SCML4: variants seen among roughly 807,000 people sequenced by gnomAD.
SCML4 encodes sex comb on midleg-like protein 4.
SCML4 carries 34 observed loss-of-function variants against 41.1 expected under a neutral mutation model. The ratio of observed to expected loss-of-function variants is 0.83; its 90% CI spans 0.63 to 1.10. The LOEUF is 1.10. SCML4 is among the 50% of genes least tolerant of loss of function. SCML4 has a pLI of 0.00. For missense variants in SCML4, 522 were observed against 534.1 expected (o/e 0.98, Z 0.22); for synonymous variants, 214 against 220.9 (o/e 0.97, Z 0.28).
At chr6:107,841,519 A>G in the SCML4 span, among the ~76,000 whole-genome samples, 1 of 152,306 alleles carries the variant, frequency 6.6e-6, no homozygotes, top group South Asian at 2.1e-4. Context: ...TGAGCTATGA[A>G]GCCAGACTGC....
intron 1 of SCML4, among the ~76,000 whole-genome samples, chr6:107,808,792 A>G (rs1181226152): frequency 1.3e-5 from 2 of 152,232 alleles, no homozygotes; most frequent in Non-Finnish European, 2.9e-5. Context: ...ATCAATATAC[A>G]TATGTTGGGG....
At chr6:107,720,624 C>T in intron 6 of SCML4, 79 bp downstream of exon 6, 1 of 1,451,704 alleles carries the variant, frequency 6.9e-7, no homozygotes, top group Non-Finnish European at 9.1e-7. Flanking sequence ...CCACACTCCC[C>T]CTTCCCCAGA....
chr6:107,839,612 A>C, the SCML4 span, among the ~76,000 whole-genome samples: 2 of 152,178 alleles, frequency 1.3e-5, no homozygotes, highest in Non-Finnish European at 2.9e-5. Flanking sequence ...AGACACATAC[A>C]CAACTGATTT....
At chr6:107,725,854 G>A (rs1002445584) in intron 5 of SCML4, among the ~76,000 whole-genome samples, 1 of 152,016 alleles carries the variant, frequency 6.6e-6, no homozygotes, top group Non-Finnish European at 1.5e-5. Flanking sequence ...GGCAGAGGTG[G>A]GTGGATCACA....
At chr6:107,761,082 G>A (rs911379527) in intron 2 of SCML4, among the ~76,000 whole-genome samples, 1 of 151,984 alleles carries the variant, frequency 6.6e-6, no homozygotes, top group Non-Finnish European at 1.5e-5. Flanking sequence ...TTAAAACTAT[G>A]GAAAAGAGGT....
intron 6 of SCML4, among the ~76,000 whole-genome samples, chr6:107,711,628 T>C (rs1770819880): frequency 6.6e-6 from 1 of 152,180 alleles, no homozygotes; most frequent in African/African-American, 2.4e-5. Flanking sequence ...ACTTGATAAA[T>C]GTGAGATGAA....
intron 5 of SCML4, among the ~76,000 whole-genome samples, chr6:107,725,222 T>C (rs1472847269): frequency 6.6e-6 from 1 of 152,222 alleles, no homozygotes; most frequent in Non-Finnish European, 1.5e-5. Flanking sequence ...AAGACAAATA[T>C]TTAAGGCGAT....
Position 107,708,395 on chromosome 6 carries a change from G to A in SCML4, c.974-384C>T, listed in dbSNP as rs184848501. ...CTGAGCCTGGGTACTTGGTGACCAGGGCAAGTGTGCTAAGATGAGTGCCCA... is the reference window on the plus strand; with the variant it reads ...CTGAGCCTGGGTACTTGGTGACCAGAGCAAGTGTGCTAAGATGAGTGCCCA... On this transcript the variant is annotated intron_variant, in intron 6 of 7. Transcript: ENST00000369020. Among the ~76,000 whole-genome samples the A allele has an allele frequency of 4.1e-4, 62 of 152,216 alleles. 1 individual carries two copies. The East Asian group carries it at 9.5e-3, about 23-fold the overall frequency.
chr6:107,709,321 G>A (rs1774004828), intron 6 of SCML4, among the ~76,000 whole-genome samples: 1 of 152,214 alleles, frequency 6.6e-6, no homozygotes, highest in African/African-American at 2.4e-5. Flanking sequence ...GCTGCCCCTT[G>A]CTGGTGATTG....
At chr6:107,735,386 G>C (rs1045249904) in intron 5 of SCML4, among the ~76,000 whole-genome samples, 6 of 152,170 alleles carry the variant, frequency 3.9e-5, no homozygotes, top group Non-Finnish European at 7.3e-5. Flanking sequence ...AGGTGCAAAG[G>C]CATCTGCAGG....
intron 1 of SCML4, among the ~76,000 whole-genome samples, chr6:107,810,568 T>A (rs1784083585): frequency 6.6e-6 from 1 of 152,178 alleles, no homozygotes; most frequent in South Asian, 2.1e-4. Context: ...GTCCCTTGGC[T>A]ATCTGGAGTG....
At chr6:107,833,352 G>C in the SCML4 span, among the ~76,000 whole-genome samples, 1 of 152,182 alleles carries the variant, frequency 6.6e-6, no homozygotes, top group Non-Finnish European at 1.5e-5. Context: ...GGCCTTACCT[G>C]AATCAGGAAA....
chr6:107,730,248 A>G (rs1251720797), intron 5 of SCML4, among the ~76,000 whole-genome samples: 1 of 152,246 alleles, frequency 6.6e-6, no homozygotes, highest in Admixed American at 6.5e-5. Context: ...AGCAAACACC[A>G]GATGGGGCCA....
chr6:107,723,225 T>C (rs1449426727), intron 5 of SCML4, among the ~76,000 whole-genome samples: 5 of 152,198 alleles, frequency 3.3e-5, no homozygotes, highest in African/African-American at 4.8e-5. Context: ...GTTAAAAATA[T>C]CATAAGTTGA....
the SCML4 span, among the ~76,000 whole-genome samples, chr6:107,843,534 T>A: frequency 6.6e-6 from 1 of 152,074 alleles, no homozygotes. Context: ...TTATTCAAAA[T>A]CACCCAGGAA....
intron 2 of SCML4, among the ~76,000 whole-genome samples, chr6:107,767,510 T>C (rs1780158259): frequency 6.6e-6 from 1 of 152,066 alleles, no homozygotes; most frequent in African/African-American, 2.4e-5. Flanking sequence ...ACCTATTTTT[T>C]CAGAAAAAGA....
intron 1 of SCML4, among the ~76,000 whole-genome samples, chr6:107,803,235 G>T (rs9400147): frequency 0.32 from 2,435 of 7,626 alleles, 118 homozygotes; most frequent in South Asian, 0.43. Context: ...GCCTCTGCCC[G>T]GCCGCCCTGT....
chr6:107,764,766 G>T (rs1779897277), intron 2 of SCML4, among the ~76,000 whole-genome samples: 4 of 152,216 alleles, frequency 2.6e-5, no homozygotes, highest in Admixed American at 2.6e-4. Context: ...CGTGTTGTGG[G>T]AGGGACCCGG....
intron 1 of SCML4, among the ~76,000 whole-genome samples, chr6:107,790,026 C>G (rs1294932828): frequency 2.0e-5 from 3 of 152,198 alleles, no homozygotes; most frequent in African/African-American, 7.2e-5. Flanking sequence ...GGCTCCAGAT[C>G]TTGTGAAAAG....
Sources: allele counts gnomAD v4.1 joint callset (sites outside exome capture counted in the v4.1 genomes callset), GRCh38; gene constraint gnomAD v4.1.1; transcripts MANE v1.5; gene names NCBI Gene and HGNC (gene_info 2026-07-23, HGNC 2026-07-21).